The following MGST1 variants were observed in gnomAD, a reference collection of about 807,000 sequenced individuals.
MGST1 encodes microsomal glutathione S-transferase 1, also known as glutathione S-transferase 12.
Under a neutral mutation model 8.9 loss-of-function variants are expected in MGST1, and 5 were observed. That is an observed-to-expected ratio of 0.56 (90% CI 0.29 to 1.19). The LOEUF is 1.19. Among genes scored for constraint, MGST1 ranks in the 50% most tolerant of loss-of-function variants. The pLI, the probability that MGST1 is intolerant of heterozygous loss-of-function variation, is 0.08. For synonymous variants in MGST1, 54 were observed against 67.8 expected (o/e 0.80, Z 1.00); for missense variants, 182 against 187.4 (o/e 0.97, Z 0.17).
chr12:16,380,107 T>C (rs1368236448), downstream of MGST1, among the ~76,000 whole-genome samples: 1 of 152,192 alleles, frequency 6.6e-6, no homozygotes, highest in Non-Finnish European at 1.5e-5. Flanking sequence ...CTGGATTCAT[T>C]AATTTTTGAA....
intron 1 of MGST1, among the ~76,000 whole-genome samples, chr12:16,412,905 ATAT>A (rs1227068645): frequency 1.3e-5 from 2 of 152,196 alleles, no homozygotes; most frequent in African/African-American, 4.8e-5. Flanking sequence ...TTTGAAAATA[ATAT>A]TTTTGTTTGG....
rs990466973 is a variant in MGST1 at position 16,500,947 on chromosome 12, T to C, written n.483-88581T>C. 2.6e-5 allele frequency among the ~76,000 whole-genome samples: 4 copies of C among 151,564 alleles called. No homozygotes were observed. Among genetic ancestry groups the C allele is most frequent in the African/African-American group, 9.7e-5 (4 of 41,246 alleles). ...GGTGAAACCCTGTCTGTGCTGAAAA[T>C]ACAAAAAACTTAGCTGGGTATGGTG... On this transcript the variant is annotated intron_variant and non_coding_transcript_variant, in intron 4 of 4. Transcript: ENST00000538857. This position sits in a 1 kb window ranked among gnomAD's most constrained non-coding sequence, Gnocchi z 4.3.
chr12:16,394,568 TTCTTTCTTCTC>T (rs1459689922), intron 1 of MGST1, among the ~76,000 whole-genome samples: 2 of 78,376 alleles, frequency 2.6e-5, no homozygotes, highest in African/African-American at 8.0e-5. Context: ...CTTTCTTTCT[TTCTTTCTTCTC>T]TCTGTCTCTC....
chr12:16,403,214 T>A (rs1940674588), intron 1 of MGST1, among the ~76,000 whole-genome samples: 1 of 152,190 alleles, frequency 6.6e-6, no homozygotes, highest in African/African-American at 2.4e-5. Flanking sequence ...TTTAGTTAAA[T>A]GGTTTAAATT....
chr12:16,533,678 T>G, intron 4 of MGST1, among the ~76,000 whole-genome samples: 1 of 151,602 alleles, frequency 6.6e-6, no homozygotes, highest in East Asian at 1.9e-4. Flanking sequence ...GATATTGTTA[T>G]AGATCCTAGA....
At chr12:16,505,374 TAGCTGAATATCCTTTAGGCTCCTTC>T (rs1442447404) in intron 4 of MGST1, among the ~76,000 whole-genome samples, 1 of 152,226 alleles carries the variant, frequency 6.6e-6, no homozygotes, top group African/African-American at 2.4e-5. Context: ...TTAACATGTC[TAGCTGAATATCCTTTAGGCTCCTTC>T]AGCTTGTCAG....
intron 1 of MGST1, among the ~76,000 whole-genome samples, chr12:16,395,780 C>CATATATATATATATATATATATATAT (rs369986291): frequency 6.0e-4 from 73 of 121,724 alleles, no homozygotes; most frequent in Admixed American, 1.6e-3. Context: ...AGTATTCCAT[C>CATATATATATATATATATATATATAT]ATATATATAT....
At chr12:16,556,922 G>A (rs761747596) in intron 4 of MGST1, among the ~76,000 whole-genome samples, 2 of 152,088 alleles carry the variant, frequency 1.3e-5, no homozygotes, top group Non-Finnish European at 2.9e-5. Context: ...TAAATGAAGC[G>A]AACACAGAAA....
chr12:16,535,745 A>G (rs1156668537), intron 4 of MGST1, among the ~76,000 whole-genome samples: 1 of 152,172 alleles, frequency 6.6e-6, no homozygotes. Context: ...CTCTGCCCAC[A>G]ACCAAAAATA....
chr12:16,352,157 A>C (rs557046024), intron 1 of MGST1, among the ~76,000 whole-genome samples: 3 of 152,208 alleles, frequency 2.0e-5, no homozygotes, highest in Non-Finnish European at 4.4e-5. Flanking sequence ...TGACAATTGT[A>C]ATAGATTAAC....
rs1941517946 is a variant in MGST1, at chr12:16,503,312, T to C, written n.483-86216T>C. Among the ~76,000 whole-genome samples the C allele has an allele frequency of 6.6e-6, 1 of 152,200 alleles. No individual in the cohort carries two copies. Among genetic ancestry groups the C allele is most frequent in the Non-Finnish European group, 1.5e-5 (1 of 68,034 alleles). The stretch of plus-strand genomic sequence containing the variant: ...ATAGCATTTTTTTCTACTTTTTCCC[T>C]CATTCTTAGCTTGGCTTCACTCATA... On this transcript the variant is annotated intron_variant and non_coding_transcript_variant, in intron 4 of 4. Transcript: ENST00000538857. This position sits in a 1 kb window ranked among gnomAD's most constrained non-coding sequence, Gnocchi z 4.8.
chr12:16,401,438 C>A lies in MGST1; in HGVS notation n.778+17834C>A. On this transcript the variant is annotated intron_variant and non_coding_transcript_variant, in intron 1 of 1. Coordinates refer to the MGST1 transcript ENST00000359720. The surrounding 1 kb of genome is among the most constrained non-coding windows in gnomAD (Gnocchi z 4.3). ...TTCTGCTTTTTAGCCACGTCCATGA[C>A]AGCATTATATACATCACATATCTTC... is the stretch of plus-strand genomic sequence containing the variant. The A allele has an allele frequency of 2.3e-6, 2 of 859,388 alleles. No individual in the cohort carries two copies. The highest frequency in any genetic ancestry group is 2.4e-5 in the East Asian group (1 of 41,528). The allele number at this position is 859,388 out of a possible 1,614,324, so 53.2% of individuals were successfully genotyped here.
At chr12:16,412,626 G>T (rs576392756) in intron 1 of MGST1, among the ~76,000 whole-genome samples, 2 of 152,040 alleles carry the variant, frequency 1.3e-5, no homozygotes, top group Non-Finnish European at 2.9e-5. Flanking sequence ...TAAATCATGC[G>T]GATGAGTTTT....
Position 16,401,074 on chromosome 12 carries a change from A to G in MGST1, n.778+17470A>G. ...TGCTGCCCGAGAACCTCTTCCCAAAAGGTCCTCTGCCTCATCTTTCTCCTC... is the reference window on the plus strand; with the variant it reads ...TGCTGCCCGAGAACCTCTTCCCAAAGGGTCCTCTGCCTCATCTTTCTCCTC... On this transcript the variant is annotated intron_variant and non_coding_transcript_variant, in intron 1 of 1. Transcript: ENST00000359720. The surrounding 1 kb of genome is among the most constrained non-coding windows in gnomAD (Gnocchi z 4.3). The G allele has an allele frequency of 6.3e-7, 1 of 1,593,712 alleles. No homozygotes were observed. The highest frequency in any genetic ancestry group is 1.1e-5 in the South Asian group (1 of 90,642).
intron 4 of MGST1, among the ~76,000 whole-genome samples, chr12:16,470,999 G>A (rs1941286953): frequency 6.6e-6 from 1 of 152,142 alleles, no homozygotes; most frequent in African/African-American, 2.4e-5. Flanking sequence ...TCTGCCATCT[G>A]GCATAGAAAT....
chr12:16,383,385 C>G (rs1044808347), exon 1 of MGST1: 1 of 152,102 alleles, frequency 6.6e-6, no homozygotes, highest in East Asian at 1.9e-4. Context: ...TTCAGTTGGT[C>G]CATGTGATTA....
chr12:16,447,627 G>A (rs1418493547), intron 4 of MGST1, among the ~76,000 whole-genome samples: 1 of 151,890 alleles, frequency 6.6e-6, no homozygotes, highest in Non-Finnish European at 1.5e-5. Flanking sequence ...CCCCAAGCTT[G>A]GCATAATAGA....
At position 16,560,319 on chromosome 12, in the gene MGST1, C is replaced by T; in HGVS notation, n.483-29209C>T. 3 of 1,358,638 alleles carry T rather than the reference C, an allele frequency of 2.2e-6. No homozygotes were observed. Among genetic ancestry groups the T allele is most frequent in the Admixed American group, 2.2e-5 (1 of 45,706 alleles). The allele number at this position is 1,358,638 out of a possible 1,614,324, so 84.2% of individuals were successfully genotyped here. A position where few individuals can be genotyped will look rare whatever the true frequency, so the allele number is the denominator to read the frequency against. ...AACAGAAAAACGCTGAGATTGATTG[C>T]TTTAAATGTATGAATATAATTTCCA... is the stretch of plus-strand genomic sequence containing the variant. On this transcript the variant is annotated intron_variant and non_coding_transcript_variant, in intron 4 of 4. Transcript: ENST00000538857. This position sits in a 1 kb window ranked among gnomAD's most constrained non-coding sequence, Gnocchi z 5.0.
chr12:16,455,811 C>A (rs528487168), intron 4 of MGST1, among the ~76,000 whole-genome samples: 1 of 151,862 alleles, frequency 6.6e-6, no homozygotes, highest in African/African-American at 2.4e-5. Flanking sequence ...GTTTTGCAAT[C>A]ATCTGTTTCA....
Sources: allele counts gnomAD v4.1 joint callset (sites outside exome capture counted in the v4.1 genomes callset), GRCh38; gene constraint gnomAD v4.1.1; non-coding constraint Gnocchi (gnomAD v3.1); transcripts MANE v1.5; gene names NCBI Gene and HGNC (gene_info 2026-07-23, HGNC 2026-07-21).